The following TICRR variants were observed in gnomAD, a reference collection of about 807,000 sequenced individuals.
TICRR encodes the protein TOPBP1 interacting checkpoint and replication regulator.
Under a neutral mutation model 178.1 loss-of-function variants are expected in TICRR, and 132 were observed. The observed-to-expected ratio is 0.74, with a 90% CI of 0.64 to 0.86. TICRR has a LOEUF of 0.86. Ranked by LOEUF, TICRR falls within the 40% of genes least tolerant of loss-of-function variation. The pLI, the probability that TICRR is intolerant of heterozygous loss-of-function variation, is 0.00. For synonymous variants in TICRR, 991 were observed against 900.7 expected, an observed-to-expected ratio of 1.10 and a Z score of -1.79; for missense variants, 2,587 against 2,334.3, an observed-to-expected ratio of 1.11 and a Z score of -2.23.
Position 89,624,232 on chromosome 15 carries a change from C to G in TICRR, c.3922C>G (p.Pro1308Ala). The stretch of plus-strand genomic sequence containing the variant: ...TGTGACTTCTTCCCCACCTGTTACG[C>G]CAAAGAAACTGTTTACCTCTCCTTT... ...STVTSSPPVTPKKLFTSPLCD... is the reference protein window; with the variant it reads ...STVTSSPPVTAKKLFTSPLCD... Residue 1308 changes from proline to alanine, a missense_variant, in exon 20 of 22, where the codon CCA becomes GCA. Transcript: ENST00000268138. 6.2e-7 allele frequency: 1 copy of G among 1,614,158 alleles called. No individual in the cohort carries two copies. The highest frequency in any genetic ancestry group is 8.5e-7 in the Non-Finnish European group (1 of 1,180,012).
Position 89,575,475 on chromosome 15 carries a change from T to C in TICRR, c.-112T>C. 4.4e-6 allele frequency: 5 copies of C among 1,126,980 alleles called. No individual in the cohort carries two copies. The highest frequency in any genetic ancestry group is 6.0e-6 in the Non-Finnish European group (5 of 837,754). The allele number at this position is 1,126,980 out of a possible 1,614,324, so 69.8% of individuals were successfully genotyped here. A position where few individuals can be genotyped will look rare whatever the true frequency, so the allele number is the denominator to read the frequency against. On this transcript the variant is annotated 5_prime_UTR_variant, in exon 1 of 22. Coordinates refer to ENST00000268138, the MANE Select transcript of TICRR (RefSeq NM_152259.4). ...AGTTCCTGGAGAGCGCGGGAGCCTTTCGACCAGGGTCCCAAAGGAAAGCAG... is the reference window on the plus strand; with the variant it reads ...AGTTCCTGGAGAGCGCGGGAGCCTTCCGACCAGGGTCCCAAAGGAAAGCAG...
At chr15:89,576,383 G>C (rs11855211) in intron 1 of TICRR, 143 bp downstream of exon 1, 428,982 of 803,302 alleles carry the variant, frequency 0.53, 119,343 homozygotes, top group Non-Finnish European at 0.58. Flanking sequence ...CAAATAAATA[G>C]GAACAGTTTT....
Position 89,575,642 on chromosome 15 carries a change from G to T in TICRR, c.56G>T (p.Arg19Leu). The T allele has an allele frequency of 6.4e-7, 1 of 1,559,924 alleles. No homozygotes were observed. Among genetic ancestry groups the T allele is most frequent in the Non-Finnish European group, 8.6e-7 (1 of 1,156,458 alleles). The change falls in exon 1 of 22, where the codon CGC (arginine) becomes CTC (leucine). Residue 19 changes from arginine to leucine, a missense_variant. Arg to Leu is a moderately radical substitution (Grantham distance 102). Coordinates refer to ENST00000268138, the MANE Select transcript of TICRR (RefSeq NM_152259.4). ...LLLDTAGGAA[R>L]HSRVRRAALR... is the part of the protein sequence containing the mutation. ...CTGGACACCGCGGGCGGCGCCGCCC[G>T]CCACAGCCGGGTCCGGCGGGCCGCC...
Position 89,625,461 on chromosome 15 carries a change from G to C in TICRR, c.5151G>C (p.Glu1717Asp). ...TTCCTGGGAGCCTGTCACTGCTTGAGTCAGAGGGCAAGGACCACGGCCTTG... is the reference window on the plus strand; with the variant it reads ...TTCCTGGGAGCCTGTCACTGCTTGACTCAGAGGGCAAGGACCACGGCCTTG... Reference protein sequence around the residue: ...ADLPGSLSLLESEGKDHGLEL... With the variant: ...ADLPGSLSLLDSEGKDHGLEL... Residue 1717 changes from glutamate (E) to aspartate (D), a missense_variant, in exon 20 of 22, where the codon GAG becomes GAC. Coordinates refer to ENST00000268138, the MANE Select transcript of TICRR (RefSeq NM_152259.4). The C allele has an allele frequency of 6.2e-7, 1 of 1,613,982 alleles. No individual in the cohort carries two copies. Among genetic ancestry groups the C allele is most frequent in the Admixed American group, 1.7e-5 (1 of 60,030 alleles).
At chr15:89,616,028 G>A (rs912415752) in intron 15 of TICRR, among the ~76,000 whole-genome samples, 2 of 151,982 alleles carry the variant, frequency 1.3e-5, no homozygotes, top group Admixed American at 6.5e-5. Flanking sequence ...GGGCTTACAG[G>A]CACGCACCAC....
At chr15:89,596,318 A>G (rs923266797) in intron 7 of TICRR, among the ~76,000 whole-genome samples, 1 of 151,880 alleles carries the variant, frequency 6.6e-6, no homozygotes, top group Admixed American at 6.6e-5. Context: ...CAATCTTGCT[A>G]TAGAGTTTTC....
Position 89,585,891 on chromosome 15 carries a change from G to C in TICRR, c.1360G>C (p.Asp454His). The C allele has an allele frequency of 6.2e-7, 1 of 1,614,148 alleles. No individual in the cohort carries two copies. The highest frequency in any genetic ancestry group is 8.5e-7 in the Non-Finnish European group (1 of 1,180,036). The change falls in exon 4 of 22, where the codon GAT (aspartate) becomes CAT (histidine). Residue 454 changes from aspartate to histidine, a missense_variant. Physicochemically the swap from Asp to His is moderately conservative, Grantham distance 81. Coordinates refer to ENST00000268138, the MANE Select transcript of TICRR (RefSeq NM_152259.4). ...AGCTTCCCTTTTCTCAGATGTTGTG[G>C]ATAGTATATTGAATCAGACTCATGA... ...DTASLFSDVV[D>H]SILNQTHDSL...
chr15:89,625,903 G>A (rs1263182768), intron 20 of TICRR, 33 bp from the exon 21 acceptor site: 1 of 1,545,782 alleles, frequency 6.5e-7, no homozygotes, highest in East Asian at 2.2e-5. Flanking sequence ...GGGGGTCTGG[G>A]GACGCTGCTC....
rs78949252 is a variant in TICRR at position 89,608,884 on chromosome 15, G to A, written c.2804G>A (p.Arg935Lys). The A allele has an allele frequency of 1.2e-6, 2 of 1,611,406 alleles. No homozygotes were observed. The highest frequency in any genetic ancestry group is 2.2e-5 in the East Asian group (1 of 44,680). ...SKRSLKRGLP[R>K]SHSVSAVDGL... ...AGATCACTAAAGCGGGGGTTGCCTA[G>A]AAGCCATTCTGTGTCAGCTGTGGAT... The change falls in exon 15 of 22, where the codon AGA becomes AAA. Residue 935 changes from arginine (R) to lysine (K), a missense_variant. Transcript: ENST00000268138.
At chr15:89,611,880 A>G (rs1486154303) in intron 15 of TICRR, among the ~76,000 whole-genome samples, 1 of 151,980 alleles carries the variant, frequency 6.6e-6, no homozygotes, top group Non-Finnish European at 1.5e-5. Context: ...GATTTCCATT[A>G]GTTTCTTATA....
At chr15:89,596,980 A>G (rs761868296) in intron 7 of TICRR, among the ~76,000 whole-genome samples, 63 of 152,328 alleles carry the variant, frequency 4.1e-4, no homozygotes, top group Non-Finnish European at 7.2e-4. Flanking sequence ...AGCTTTTAAT[A>G]TTTTTGAACT....
chr15:89,604,203 G>A (rs1022754623), intron 13 of TICRR, among the ~76,000 whole-genome samples: 17 of 152,226 alleles, frequency 1.1e-4, no homozygotes, highest in Admixed American at 9.2e-4. Context: ...TATTATAATA[G>A]TGGTTTGTTC....
chr15:89,579,327 A>C (rs562258063), intron 1 of TICRR, among the ~76,000 whole-genome samples: 1 of 152,170 alleles, frequency 6.6e-6, no homozygotes, highest in Non-Finnish European at 1.5e-5. Context: ...ACCATACTCT[A>C]TAGTATACTG....
Position 89,575,638 on chromosome 15 carries a change from G to T in TICRR, c.52G>T (p.Ala18Ser). 6.5e-7 allele frequency: 1 copy of T among 1,545,738 alleles called. No individual in the cohort carries two copies. Among genetic ancestry groups the T allele is most frequent in the African/African-American group, 1.4e-5 (1 of 72,602 alleles). ...GCTGCTGGACACCGCGGGCGGCGCC[G>T]CCCGCCACAGCCGGGTCCGGCGGGC... ...MLLLDTAGGAARHSRVRRAAL... is the reference protein window; with the variant it reads ...MLLLDTAGGASRHSRVRRAAL... Residue 18 changes from alanine to serine, a missense_variant, in exon 1 of 22, where the codon GCC becomes TCC. Ala to Ser is a moderately conservative substitution (Grantham distance 99, BLOSUM62 1). Coordinates refer to ENST00000268138, the MANE Select transcript of TICRR (RefSeq NM_152259.4).
At chr15:89,617,379 T>C (rs1331068949) in intron 16 of TICRR, among the ~76,000 whole-genome samples, 1 of 152,228 alleles carries the variant, frequency 6.6e-6, no homozygotes, top group Non-Finnish European at 1.5e-5. Flanking sequence ...TTAAGGCTCT[T>C]AAACAGAAAC....
Position 89,618,181 on chromosome 15 carries a change from T to G in TICRR, c.2990T>G (p.Val997Gly), listed in dbSNP as rs1212730886. The G allele has an allele frequency of 1.4e-5, 23 of 1,614,082 alleles. 1 individual carries two copies. The highest frequency in any genetic ancestry group is 2.7e-5 in the African/African-American group (2 of 74,936). The change falls in exon 17 of 22, where the codon GTT becomes GGT. Residue 997 changes from valine to glycine, a missense_variant. Transcript: ENST00000268138. ...TCTGATCCTGGTCCTGATATTGGTGTTGTTGAAGAGTCCCCTGAAAAAGGA... is the reference window on the plus strand; with the variant it reads ...TCTGATCCTGGTCCTGATATTGGTGGTGTTGAAGAGTCCCCTGAAAAAGGA... ...RSSDPGPDIG[V>G]VEESPEKGDE...
At chr15:89,625,861 G>A in intron 20 of TICRR, 75 bp downstream of exon 20, 1 of 1,544,598 alleles carries the variant, frequency 6.5e-7, no homozygotes, top group Non-Finnish European at 8.7e-7. Context: ...GCACTTGGGA[G>A]TTGCTTCTTG....
At chr15:89,590,010 CATA>C (rs1962884131) in intron 4 of TICRR, among the ~76,000 whole-genome samples, 2 of 152,006 alleles carry the variant, frequency 1.3e-5, no homozygotes, top group South Asian at 4.1e-4. Context: ...ACATTAAATC[CATA>C]ATAAGTAAAG....
At chr15:89,618,561 CTT>C (rs956766752) in intron 17 of TICRR, among the ~76,000 whole-genome samples, 8 of 152,188 alleles carry the variant, frequency 5.3e-5, no homozygotes, top group Non-Finnish European at 7.3e-5. Flanking sequence ...TGGGGAGTGT[CTT>C]TTCTGAGACA....
Sources: gnomAD v4.1 joint callset for allele counts (sites outside exome capture counted in the v4.1 genomes callset) on GRCh38, gnomAD v4.1.1 for gene constraint, MANE v1.5 for transcripts, NCBI Gene and HGNC (gene_info 2026-07-23, HGNC 2026-07-21) for gene names.